The following DPYD variants were observed in gnomAD, a reference collection of about 807,000 sequenced individuals.
The protein encoded by DPYD is dihydropyrimidine dehydrogenase [NADP(+)].
In DPYD, 109 loss-of-function variants were observed where a neutral mutation model predicts 116.2. The observed-to-expected ratio is 0.94, with a 90% CI of 0.80 to 1.10. The LOEUF (loss-of-function observed/expected upper bound fraction) is 1.10, where lower values mean the gene tolerates loss of function less well. Among genes scored for constraint, DPYD ranks in the 50% least tolerant of loss-of-function variants. The probability of loss-of-function intolerance (pLI) is 0.00; values close to 1 mark genes in which losing one functional copy is unlikely to be tolerated. For synonymous variants in DPYD, 440 were observed against 432.0 expected, an observed-to-expected ratio of 1.02 and a Z score of -0.23; for missense variants, 1,302 against 1,254.5, an observed-to-expected ratio of 1.04 and a Z score of -0.57.
chr1:97,666,596 TTAG>T (rs1659574777), intron 8 of DPYD, among the ~76,000 whole-genome samples: 1 of 152,150 alleles, frequency 6.6e-6, no homozygotes, highest in South Asian at 2.1e-4. Context: ...GCAGCTTGTG[TTAG>T]TAATATTTAA....
chr1:97,213,278 T>C (rs1316540804), intron 19 of DPYD, among the ~76,000 whole-genome samples: 1 of 152,168 alleles, frequency 6.6e-6, no homozygotes, highest in East Asian at 1.9e-4. Flanking sequence ...ACTGGAGGTA[T>C]AAATAAATTA....
chr1:97,345,415 A>G (rs1669791523), intron 16 of DPYD, among the ~76,000 whole-genome samples: 2 of 151,938 alleles, frequency 1.3e-5, no homozygotes, highest in African/African-American at 4.8e-5. Flanking sequence ...ATGTTCATTC[A>G]CAACTATGCT....
Position 97,424,631 on chromosome 1 carries a change from G to A in DPYD, c.1905+25428C>T, listed in dbSNP as rs560492597. 2.6e-4 allele frequency among the ~76,000 whole-genome samples: 40 copies of A among 151,910 alleles called. 1 individual carries two copies. The South Asian group carries it at 7.9e-3, about 30-fold the overall frequency. On this transcript the variant is annotated intron_variant, in intron 14 of 22. Coordinates refer to ENST00000370192, the MANE Select transcript of DPYD (RefSeq NM_000110.4). The stretch of plus-strand genomic sequence containing the variant: ...TCTATAACACTCATTATATAGTTTG[G>A]GCTCACTAATTCTTATAGGATACCT...
chr1:97,418,013 C>T (rs1019527296), intron 14 of DPYD, among the ~76,000 whole-genome samples: 4 of 152,122 alleles, frequency 2.6e-5, no homozygotes, highest in Non-Finnish European at 4.4e-5. Context: ...AATATCTTGA[C>T]ATTACTGATC....
At chr1:97,211,746 C>T (rs1660047270) in intron 19 of DPYD, among the ~76,000 whole-genome samples, 2 of 152,062 alleles carry the variant, frequency 1.3e-5, no homozygotes, top group South Asian at 2.1e-4. Flanking sequence ...GAAATGCTTC[C>T]TACCCAGGAT....
chr1:97,305,470 C>G (rs1334850807), intron 17 of DPYD, 92 bp from the exon 18 acceptor site: 1 of 1,530,348 alleles, frequency 6.5e-7, no homozygotes, highest in African/African-American at 1.4e-5. Context: ...AAAATGCATT[C>G]TATTTTATCT....
intron 2 of DPYD, among the ~76,000 whole-genome samples, chr1:97,879,637 T>C (rs776804620): frequency 5.1e-4 from 78 of 151,930 alleles, no homozygotes; most frequent in Non-Finnish European, 9.4e-4. Flanking sequence ...TTCCAATTAG[T>C]ACTAGAAGAA....
At chr1:97,544,731 AC>A (rs1452735670) in intron 12 of DPYD, among the ~76,000 whole-genome samples, 1 of 152,018 alleles carries the variant, frequency 6.6e-6, no homozygotes, top group Non-Finnish European at 1.5e-5. Context: ...CCACCAAACT[AC>A]AATCATAAAT....
chr1:97,562,338 G>T (rs554807080), intron 11 of DPYD, among the ~76,000 whole-genome samples: 34 of 152,160 alleles, frequency 2.2e-4, no homozygotes, highest in Non-Finnish European at 4.0e-4. Flanking sequence ...TAAACCAAAT[G>T]AATTGTAAAT....
chr1:97,819,329 A>C (rs1668797804), intron 3 of DPYD, among the ~76,000 whole-genome samples: 1 of 151,970 alleles, frequency 6.6e-6, no homozygotes, highest in Admixed American at 6.6e-5. Flanking sequence ...AGAAATGATT[A>C]AAATAGAAAA....
intron 10 of DPYD, among the ~76,000 whole-genome samples, chr1:97,581,311 A>AGCTC (rs1050630156): frequency 1.7e-5 from 2 of 119,148 alleles, no homozygotes; most frequent in African/African-American, 6.4e-5. Flanking sequence ...TGGGCGACAG[A>AGCTC]GCGAGACTCA....
chr1:97,338,699 G>T (rs1374832412), intron 16 of DPYD, among the ~76,000 whole-genome samples: 3 of 152,186 alleles, frequency 2.0e-5, no homozygotes, highest in Admixed American at 1.3e-4. Flanking sequence ...ACCTGTCCCA[G>T]TGAAGAGGTT....
chr1:97,698,507 T>C (rs1358871401), intron 6 of DPYD, among the ~76,000 whole-genome samples: 1 of 151,922 alleles, frequency 6.6e-6, no homozygotes, highest in Non-Finnish European at 1.5e-5. Flanking sequence ...TCTGTGATTA[T>C]TGGGTATGAT....
intron 20 of DPYD, among the ~76,000 whole-genome samples, chr1:97,160,002 T>C (rs1655771156): frequency 6.6e-6 from 1 of 151,986 alleles, no homozygotes; most frequent in African/African-American, 2.4e-5. Context: ...AAGGATAAAA[T>C]CTTTCTTACT....
chr1:97,282,376 C>G (rs1010131045), intron 18 of DPYD, among the ~76,000 whole-genome samples: 1 of 151,724 alleles, frequency 6.6e-6, no homozygotes, highest in African/African-American at 2.4e-5. Context: ...TTTATTTTAT[C>G]TTTACAAAGC....
chr1:97,531,396 T>C (rs1649616698), intron 12 of DPYD, among the ~76,000 whole-genome samples: 1 of 152,194 alleles, frequency 6.6e-6, no homozygotes, highest in South Asian at 2.1e-4. Context: ...CGCTATGCAT[T>C]CTTGACTTTC....
At chr1:97,150,250 T>C (rs1654919614) in intron 20 of DPYD, among the ~76,000 whole-genome samples, 1 of 148,092 alleles carries the variant, frequency 6.8e-6, no homozygotes, top group African/African-American at 2.5e-5. Flanking sequence ...TGCAAATGTT[T>C]AGTACACACT....
chr1:97,898,550 A>G (rs1481496945), intron 1 of DPYD, among the ~76,000 whole-genome samples: 1 of 152,066 alleles, frequency 6.6e-6, no homozygotes, highest in East Asian at 2.0e-4. Flanking sequence ...TATCTTAAAA[A>G]TAATTGTTTC....
rs1648922533 is a variant in DPYD at position 97,078,275 on chromosome 1, G to C, written c.*701C>G. ...TTAGGAACATAGTTTAAAGAGAAAT[G>C]CCATTAAAAGAGGATGAGTTTGTAC... On this transcript the variant is annotated 3_prime_UTR_variant, in exon 23 of 23. Transcript: ENST00000370192. 6.5e-6 allele frequency: 1 copy of C among 154,328 alleles called. No homozygotes were observed. The allele number at this position is 154,328 out of a possible 1,614,324, so 9.6% of individuals were successfully genotyped here.
Sources: gnomAD v4.1 joint callset for allele counts (sites outside exome capture counted in the v4.1 genomes callset) on GRCh38, gnomAD v4.1.1 for gene constraint, MANE v1.5 for transcripts, NCBI Gene and HGNC (gene_info 2026-07-23, HGNC 2026-07-21) for gene names.